FGD5: variants seen among roughly 807,000 people sequenced by gnomAD.
The protein encoded by FGD5 is FYVE, RhoGEF and PH domain-containing protein 5.
FGD5 carries 28 observed loss-of-function variants against 133.4 expected under a neutral mutation model. The ratio of observed to expected loss-of-function variants is 0.21; its 90% CI spans 0.16 to 0.29. FGD5 has a LOEUF of 0.29. Among genes scored for constraint, FGD5 ranks in the 10% least tolerant of loss-of-function variants. FGD5 has a pLI of 1.00. For synonymous variants in FGD5, 810 were observed against 776.5 expected (o/e 1.04, Z -0.72); for missense variants, 1,858 against 1,895.2 (o/e 0.98, Z 0.36).
Position 14,922,020 on chromosome 3 carries a change from G to A in FGD5, c.3669+3G>A. 1 of 1,556,312 alleles carries A rather than the reference G, an allele frequency of 6.4e-7. No homozygotes were observed. Among genetic ancestry groups the A allele is most frequent in the Non-Finnish European group, 8.7e-7 (1 of 1,149,874 alleles). On this transcript the variant is annotated splice_donor_region_variant and intron_variant, in intron 14 of 19. Coordinates refer to ENST00000285046, the MANE Select transcript of FGD5 (RefSeq NM_152536.4). This position sits in a 1 kb window ranked among gnomAD's most constrained non-coding sequence, Gnocchi z 4.1. ...CTGCATTCCACCATAGCGTGGAGGT[G>A]AGTGGGTGGGCAGGGCCCACGGGCC...
At chr3:14,901,516 ACT>A (rs2038238635) in intron 9 of FGD5, among the ~76,000 whole-genome samples, 1 of 152,250 alleles carries the variant, frequency 6.6e-6, no homozygotes, top group Middle Eastern at 3.4e-3. Flanking sequence ...TGACTGTGTG[ACT>A]CTGTCTGCTA....
intron 1 of FGD5, among the ~76,000 whole-genome samples, chr3:14,853,722 T>G (rs1333857143): frequency 7.3e-6 from 1 of 137,924 alleles, no homozygotes. Flanking sequence ...CAACCAGCGT[T>G]ACATAGGACG....
intron 2 of FGD5, among the ~76,000 whole-genome samples, chr3:14,875,382 T>C (rs1158122404): frequency 6.6e-6 from 1 of 152,160 alleles, no homozygotes; most frequent in African/African-American, 2.4e-5. Context: ...ACCTCAGATG[T>C]AGCCTGTGAC....
chr3:14,847,474 A>G (rs1416026710), intron 1 of FGD5, among the ~76,000 whole-genome samples: 1 of 152,200 alleles, frequency 6.6e-6, no homozygotes, highest in East Asian at 1.9e-4. Flanking sequence ...CCCTGGTGGG[A>G]TGGAGGTCTG....
chr3:14,900,927 G>C (rs1290433397), intron 8 of FGD5, 76 bp from the exon 9 acceptor site: 8 of 1,565,640 alleles, frequency 5.1e-6, no homozygotes, highest in South Asian at 2.2e-5. Context: ...CTTGAGGCCT[G>C]TGACCTGACA....
chr3:14,924,662 A>G (rs911245795), intron 17 of FGD5, among the ~76,000 whole-genome samples: 4 of 152,248 alleles, frequency 2.6e-5, no homozygotes, highest in African/African-American at 9.6e-5. Context: ...CAAGGAGTCC[A>G]CAAGTGTGAT....
At chr3:14,887,593 C>G (rs2037948437) in intron 4 of FGD5, among the ~76,000 whole-genome samples, 1 of 151,982 alleles carries the variant, frequency 6.6e-6, no homozygotes, top group African/African-American at 2.4e-5. Context: ...AGCACCTGGT[C>G]TGGGTGACAT....
intron 11 of FGD5, among the ~76,000 whole-genome samples, chr3:14,914,003 C>G (rs2038501563): frequency 6.6e-6 from 1 of 152,200 alleles, no homozygotes; most frequent in African/African-American, 2.4e-5. Context: ...GATAGGCCTG[C>G]ATCCCTCTGA....
chr3:14,909,760 T>C (rs1167710847), intron 10 of FGD5, among the ~76,000 whole-genome samples: 1 of 146,344 alleles, frequency 6.8e-6, no homozygotes, highest in Non-Finnish European at 1.5e-5. Context: ...TCTTTTCTTT[T>C]CTTTTTTTTT....
At chr3:14,883,677 A>G (rs1443978395) in intron 4 of FGD5, among the ~76,000 whole-genome samples, 1 of 152,260 alleles carries the variant, frequency 6.6e-6, no homozygotes, top group Non-Finnish European at 1.5e-5. Context: ...AAAGCTGAAT[A>G]AGGCTCTGAA....
chr3:14,817,491 C>T (rs2036389091), upstream of FGD5, among the ~76,000 whole-genome samples: 1 of 152,182 alleles, frequency 6.6e-6, no homozygotes, highest in South Asian at 2.1e-4. Context: ...CCACTGCACC[C>T]AGCCTTACCT....
chr3:14,901,897 T>C (rs2038246830), intron 9 of FGD5, among the ~76,000 whole-genome samples: 1 of 152,134 alleles, frequency 6.6e-6, no homozygotes, highest in Non-Finnish European at 1.5e-5. Flanking sequence ...TAACTAAATA[T>C]GTGGATGCAA....
At chr3:14,814,701 C>T (rs2036343437), upstream of FGD5, among the ~76,000 whole-genome samples, 1 of 152,138 alleles carries the variant, frequency 6.6e-6, no homozygotes, top group Non-Finnish European at 1.5e-5. Context: ...GAAGCCAGAG[C>T]CTGCTTGACA....
chr3:14,815,217 C>T (rs541812411), upstream of FGD5, among the ~76,000 whole-genome samples: 97 of 152,268 alleles, frequency 6.4e-4, no homozygotes, highest in African/African-American at 2.1e-3. Flanking sequence ...TCGATCACTC[C>T]GTCCCATCTG....
Position 14,821,431 on chromosome 3 carries a change from T to C in FGD5, c.2360T>C (p.Ile787Thr). ...GCCATGAACTCGGACTATGAGAATA[T>C]CCAGATTCCACCCCGGAGACCTGCC... ...IPAMNSDYEN[I>T]QIPPRRPARA... is the part of the protein sequence containing the mutation. Residue 787 changes from isoleucine to threonine, a missense_variant, in exon 1 of 20, where the codon ATC becomes ACC. Transcript: ENST00000285046. 2 of 1,613,902 alleles carry C rather than the reference T, an allele frequency of 1.2e-6. No homozygotes were observed. Among genetic ancestry groups the C allele is most frequent in the South Asian group, 1.1e-5 (1 of 91,070 alleles).
intron 2 of FGD5, among the ~76,000 whole-genome samples, chr3:14,871,916 G>A (rs1442557848): frequency 6.6e-6 from 1 of 152,198 alleles, no homozygotes; most frequent in African/African-American, 2.4e-5. Context: ...CATGGCCTAT[G>A]GCCAAAGTGC....
intron 16 of FGD5, 135 bp downstream of exon 16, chr3:14,923,310 G>A (rs1369675457): frequency 7.9e-7 from 1 of 1,271,116 alleles, no homozygotes; most frequent in Admixed American, 2.8e-5. Flanking sequence ...ATGGAGGGAG[G>A]AAACAGAGGT....
chr3:14,853,632 G>A lies in FGD5; in HGVS notation c.2526-10496G>A, dbSNP rs563870475. The stretch of plus-strand genomic sequence containing the variant: ...CTGAGAGATTCCCAGGGGGAAAAGC[G>A]TTCCTTTTTTTTTTTTTTTTTTTTT... On this transcript the variant is annotated intron_variant, in intron 1 of 19. Coordinates refer to ENST00000285046, the MANE Select transcript of FGD5 (RefSeq NM_152536.4). 3.3e-4 allele frequency among the ~76,000 whole-genome samples: 34 copies of A among 101,960 alleles called. No homozygotes were observed. The South Asian group carries it at 7.2e-3, about 22-fold the overall frequency. 66.9% of individuals were successfully genotyped at this position (101,960 alleles called of 152,430 possible).
chr3:14,918,703 C>T, intron 12 of FGD5, 51 bp from the exon 13 acceptor site: 4 of 1,577,162 alleles, frequency 2.5e-6, no homozygotes, highest in South Asian at 1.1e-5. Flanking sequence ...AGCCGGTCTA[C>T]ACTTGCCCCT....
Sources: allele counts gnomAD v4.1 joint callset (sites outside exome capture counted in the v4.1 genomes callset), GRCh38; gene constraint gnomAD v4.1.1; non-coding constraint Gnocchi (gnomAD v3.1); transcripts MANE v1.5; gene names NCBI Gene and HGNC (gene_info 2026-07-23, HGNC 2026-07-21).